The following SNX30 variants were observed in gnomAD, a reference collection of about 807,000 sequenced individuals.
SNX30 encodes the protein sorting nexin-30.
In SNX30, 24 loss-of-function variants were observed where a neutral mutation model predicts 46.4. The ratio of observed to expected loss-of-function variants is 0.52; its 90% CI spans 0.37 to 0.73. The LOEUF is 0.73. Among genes scored for constraint, SNX30 ranks in the 30% least tolerant of loss-of-function variants. The pLI is 0.00. For synonymous variants in SNX30, 189 were observed against 211.5 expected, an observed-to-expected ratio of 0.89 and a Z score of 0.92; for missense variants, 533 against 555.7, an observed-to-expected ratio of 0.96 and a Z score of 0.41.
At chr9:112,836,027 G>A (rs1840745380) in intron 4 of SNX30, among the ~76,000 whole-genome samples, 187 bp from the exon 5 acceptor site, 1 of 152,218 alleles carries the variant, frequency 6.6e-6, no homozygotes, top group Admixed American at 6.5e-5. Flanking sequence ...ACCTACAGGA[G>A]CCTGAGTCTG....
At chr9:112,818,025 T>C (rs1190419136) in intron 3 of SNX30, among the ~76,000 whole-genome samples, 1 of 152,192 alleles carries the variant, frequency 6.6e-6, no homozygotes, top group South Asian at 2.1e-4. Flanking sequence ...CTGGCTGGGC[T>C]TTCTTTAGCC....
intron 1 of SNX30, among the ~76,000 whole-genome samples, chr9:112,777,811 G>A (rs754827114): frequency 1.3e-5 from 2 of 151,874 alleles, no homozygotes; most frequent in African/African-American, 4.8e-5. Context: ...TATGTGCCAC[G>A]CATTGTATCA....
intron 1 of SNX30, among the ~76,000 whole-genome samples, chr9:112,793,188 T>C (rs775576736): frequency 3.9e-5 from 6 of 152,228 alleles, no homozygotes; most frequent in East Asian, 1.9e-4. Flanking sequence ...ATCCATAGAT[T>C]ACTAGTTATC....
chr9:112,865,931 T>A (rs1306753167), intron 8 of SNX30, among the ~76,000 whole-genome samples: 1 of 151,876 alleles, frequency 6.6e-6, no homozygotes, highest in Non-Finnish European at 1.5e-5. Context: ...ACCAACTATG[T>A]CAAATGTCTC....
chr9:112,843,677 G>A (rs1269613849), intron 6 of SNX30, among the ~76,000 whole-genome samples: 1 of 135,778 alleles, frequency 7.4e-6, no homozygotes, highest in Non-Finnish European at 1.5e-5. Context: ...CCCAGGCTGC[G>A]TGATCTCAGC....
At chr9:112,864,827 C>G (rs1841293735) in intron 8 of SNX30, among the ~76,000 whole-genome samples, 3 of 152,076 alleles carry the variant, frequency 2.0e-5, no homozygotes, top group Non-Finnish European at 4.4e-5. Flanking sequence ...CTATAGACCC[C>G]TCACCAAAAT....
intron 1 of SNX30, among the ~76,000 whole-genome samples, chr9:112,769,513 C>G (rs934511737): frequency 6.6e-6 from 1 of 152,186 alleles, no homozygotes; most frequent in Admixed American, 6.5e-5. Context: ...TGGCATGGAC[C>G]AGGCACCACC....
chr9:112,867,864 C>T (rs1841386371), intron 8 of SNX30, among the ~76,000 whole-genome samples: 1 of 152,316 alleles, frequency 6.6e-6, no homozygotes, highest in South Asian at 2.1e-4. Context: ...CAAAGTCCTC[C>T]TCCACCCCTG....
Position 112,809,317 on chromosome 9 carries a change from CG to C in SNX30, c.348+4351del, listed in dbSNP as rs548248343. Among the ~76,000 whole-genome samples, 240 of 152,062 alleles carry C rather than the reference CG, an allele frequency of 1.6e-3. 2 individuals carry two copies. Among genetic ancestry groups the C allele is most frequent in the African/African-American group, 5.5e-3 (228 of 41,484 alleles). On this transcript the variant is annotated intron_variant, in intron 2 of 8. Coordinates refer to ENST00000374232, the MANE Select transcript of SNX30 (RefSeq NM_001012994.2). ...CTGGTCTCAAACTCCTGACCTCAGG[CG>C]ATCTGCCCACCTTGGTTTCCCAAAG...
At chr9:112,806,527 G>T (rs1683409634) in intron 2 of SNX30, among the ~76,000 whole-genome samples, 1 of 151,876 alleles carries the variant, frequency 6.6e-6, no homozygotes, top group South Asian at 2.1e-4. Context: ...CTTTTTCATT[G>T]TAGAAAAAAA....
rs575678617 is a variant in SNX30 at position 112,792,072 on chromosome 9, A to G, written c.157-12704A>G. 3.9e-5 allele frequency among the ~76,000 whole-genome samples: 6 copies of G among 152,304 alleles called. No homozygotes were observed. The South Asian group carries it at 1.0e-3, about 26-fold the overall frequency. On this transcript the variant is annotated intron_variant, in intron 1 of 8. Coordinates refer to ENST00000374232, the MANE Select transcript of SNX30 (RefSeq NM_001012994.2). ...ATTTTGATACCGGATATAGATAGTC[A>G]TCATGAAATGATTTGAAAGGTTTCT...
rs947650375 is a variant in SNX30, at chr9:112,874,137, T to C, written c.*5294T>C. On this transcript the variant is annotated 3_prime_UTR_variant, in exon 9 of 9. Coordinates refer to ENST00000374232, the MANE Select transcript of SNX30 (RefSeq NM_001012994.2). ...AAGGAAAATCACTTTTTTTCCTCCA[T>C]GTGGAAATGAGGAGAGAGGAAAGTG... 2.0e-5 allele frequency: 3 copies of C among 152,222 alleles called. No individual in the cohort carries two copies. Among genetic ancestry groups the C allele is most frequent in the South Asian group, 2.1e-4 (1 of 4,832 alleles). The allele number at this position is 152,222 out of a possible 1,614,324, so 9.4% of individuals were successfully genotyped here. A position where few individuals can be genotyped will look rare whatever the true frequency, so the allele number is the denominator to read the frequency against.
intron 7 of SNX30, chr9:112,856,746 G>A: frequency 6.6e-6 from 1 of 152,152 alleles, no homozygotes; most frequent in Non-Finnish European, 1.5e-5. Flanking sequence ...TACATACAGA[G>A]CTAATGCAGA....
At chr9:112,789,892 G>A (rs181259902) in intron 1 of SNX30, among the ~76,000 whole-genome samples, 1 of 152,306 alleles carries the variant, frequency 6.6e-6, no homozygotes, top group African/African-American at 2.4e-5. Flanking sequence ...AACAACTTTA[G>A]TGACAAAGCT....
chr9:112,773,072 G>C (rs999378679), intron 1 of SNX30, among the ~76,000 whole-genome samples: 1 of 152,192 alleles, frequency 6.6e-6, no homozygotes, highest in African/African-American at 2.4e-5. Flanking sequence ...GAAGCACACT[G>C]TGTAAAGAAG....
intron 6 of SNX30, among the ~76,000 whole-genome samples, chr9:112,839,366 A>G (rs984277553): frequency 2.6e-5 from 4 of 152,370 alleles, no homozygotes; most frequent in South Asian, 2.1e-4. Flanking sequence ...AACAAAAGTG[A>G]TACGAATTTG....
intron 1 of SNX30, among the ~76,000 whole-genome samples, chr9:112,769,433 C>T (rs1433249244): frequency 6.6e-6 from 1 of 152,200 alleles, no homozygotes; most frequent in Non-Finnish European, 1.5e-5. Flanking sequence ...TGCCAGGAGT[C>T]TCCACTACTG....
intron 7 of SNX30, chr9:112,856,805 T>C (rs968530734): frequency 1.3e-5 from 2 of 152,254 alleles, no homozygotes; most frequent in Non-Finnish European, 2.9e-5. Flanking sequence ...TTCTGGCAAG[T>C]GAGGACCCTC....
chr9:112,805,219 CTT>C (rs1380114485), intron 2 of SNX30, among the ~76,000 whole-genome samples: 1 of 18,626 alleles, frequency 5.4e-5, no homozygotes, highest in African/African-American at 3.8e-4. Context: ...TATACTTGCG[CTT>C]ATTTTTTTTT....
Sources: allele counts gnomAD v4.1 joint callset (sites outside exome capture counted in the v4.1 genomes callset), GRCh38; gene constraint gnomAD v4.1.1; transcripts MANE v1.5; gene names NCBI Gene and HGNC (gene_info 2026-07-23, HGNC 2026-07-21).